RAB27A: variants seen among roughly 807,000 people sequenced by gnomAD.
RAB27A encodes RAB27A, member RAS oncogene family, also known as ras-related protein Rab-27A.
Under a neutral mutation model 20.8 loss-of-function variants are expected in RAB27A, and 17 were observed. That is an observed-to-expected ratio of 0.82 (90% confidence interval 0.56 to 1.23). The LOEUF (loss-of-function observed/expected upper bound fraction) is 1.23. Among genes scored for constraint, RAB27A ranks in the 50% most tolerant of loss-of-function variants. RAB27A has a pLI of 0.00. For missense variants in RAB27A, 277 were observed against 266.7 expected (o/e 1.04, Z -0.27); for synonymous variants, 85 against 92.8 (o/e 0.92, Z 0.48).
chr15:55,264,949 C>G (rs1200460364), intron 2 of RAB27A, among the ~76,000 whole-genome samples: 2 of 152,106 alleles, frequency 1.3e-5, no homozygotes, highest in Non-Finnish European at 2.9e-5. Context: ...TGCATGGAAA[C>G]AAGAACTATA....
At chr15:55,311,224 T>C (rs1340513416) in intron 2 of RAB27A, among the ~76,000 whole-genome samples, 1 of 152,214 alleles carries the variant, frequency 6.6e-6, no homozygotes, top group African/African-American at 2.4e-5. Context: ...ACATTGTATC[T>C]CTCCATGTCA....
chr15:55,257,901 G>A (rs1014837959), intron 2 of RAB27A, among the ~76,000 whole-genome samples: 2 of 152,100 alleles, frequency 1.3e-5, no homozygotes, highest in Non-Finnish European at 2.9e-5. Flanking sequence ...GCTAAGGCAT[G>A]AGAATTGCTT....
intron 1 of RAB27A, among the ~76,000 whole-genome samples, chr15:55,315,787 C>A (rs1040840993): frequency 6.6e-6 from 1 of 152,154 alleles, no homozygotes; most frequent in Admixed American, 6.5e-5. Flanking sequence ...GAAATACGAA[C>A]GCTTTTACAC....
chr15:55,273,589 C>T (rs1298217039), intron 1 of RAB27A, among the ~76,000 whole-genome samples: 1 of 151,800 alleles, frequency 6.6e-6, no homozygotes, highest in Non-Finnish European at 1.5e-5. Flanking sequence ...CAAAAGAAAG[C>T]AGGGGTGACT....
At chr15:55,238,305 G>A (rs1896345385) in intron 2 of RAB27A, 1 of 152,050 alleles carries the variant, frequency 6.6e-6, no homozygotes, top group Admixed American at 6.6e-5. Context: ...TCTACCCCAA[G>A]CTTCATATCC....
intron 5 of RAB27A, among the ~76,000 whole-genome samples, chr15:55,228,035 G>C (rs1277450815): frequency 6.6e-6 from 1 of 152,184 alleles, no homozygotes; most frequent in African/African-American, 2.4e-5. Context: ...CCAAAATAAA[G>C]GTTGACATAT....
intron 2 of RAB27A, among the ~76,000 whole-genome samples, chr15:55,255,081 C>A (rs1897030234): frequency 6.6e-6 from 1 of 152,212 alleles, no homozygotes; most frequent in Non-Finnish European, 1.5e-5. Context: ...TCACTTCTGA[C>A]TGCCAGGGCT....
intron 5 of RAB27A, among the ~76,000 whole-genome samples, chr15:55,227,597 G>C (rs1413630338): frequency 1.3e-5 from 2 of 152,206 alleles, no homozygotes; most frequent in African/African-American, 4.8e-5. Context: ...GAAAGCCAAA[G>C]CTTCATATCC....
chr15:55,233,383 A>G (rs1026008370), intron 3 of RAB27A, among the ~76,000 whole-genome samples: 1 of 152,148 alleles, frequency 6.6e-6, no homozygotes, highest in African/African-American at 2.4e-5. Context: ...ACATATAACA[A>G]AAAAGGGAAT....
rs1470787881 is a variant in RAB27A at position 55,204,743 on chromosome 15, C to A, written c.*764G>T. ...ATGTACAATCACAGTGAACTAAAGCCATAAAATCTAGTTCCCTGACCCTTC... is the reference window on the plus strand; with the variant it reads ...ATGTACAATCACAGTGAACTAAAGCAATAAAATCTAGTTCCCTGACCCTTC... On this transcript the variant is annotated 3_prime_UTR_variant, in exon 7 of 7. Transcript: ENST00000336787. The A allele has an allele frequency of 6.6e-6, 1 of 152,318 alleles. No individual in the cohort carries two copies. The highest frequency in any genetic ancestry group is 1.5e-5 in the Non-Finnish European group (1 of 68,130). The allele number at this position is 152,318 out of a possible 1,614,324, so 9.4% of individuals were successfully genotyped here. A position where few individuals can be genotyped will look rare whatever the true frequency, so the allele number is the denominator to read the frequency against.
At chr15:55,235,474 A>G (rs1369189915) in intron 2 of RAB27A, among the ~76,000 whole-genome samples, 1 of 151,858 alleles carries the variant, frequency 6.6e-6, no homozygotes, top group Middle Eastern at 3.2e-3. Context: ...ATAAAAATAA[A>G]AATAAAAATA....
chr15:55,228,793 T>A, intron 4 of RAB27A, 81 bp from the exon 5 acceptor site: 1 of 980,212 alleles, frequency 1.0e-6, no homozygotes, highest in Non-Finnish European at 1.6e-6. Flanking sequence ...GCCTTCAGCC[T>A]CTTACAAAAG....
intron 2 of RAB27A, among the ~76,000 whole-genome samples, chr15:55,245,628 T>C (rs1165652679): frequency 2.0e-5 from 3 of 152,210 alleles, no homozygotes; most frequent in African/African-American, 7.2e-5. Flanking sequence ...GGCTAGAAAC[T>C]GTTGAGATCT....
intron 2 of RAB27A, among the ~76,000 whole-genome samples, chr15:55,254,523 T>A (rs1025976183): frequency 1.3e-5 from 2 of 152,124 alleles, no homozygotes; most frequent in Non-Finnish European, 1.5e-5. Flanking sequence ...ATAATTTCCA[T>A]TAATTTCTGA....
intron 2 of RAB27A, among the ~76,000 whole-genome samples, chr15:55,303,825 C>T (rs1243501523): frequency 2.3e-5 from 3 of 132,782 alleles, no homozygotes; most frequent in South Asian, 5.2e-4. Context: ...CCGCCCCGTC[C>T]GGGAGGGAGG....
chr15:55,272,076 G>C (rs1897724755), intron 1 of RAB27A, among the ~76,000 whole-genome samples: 1 of 152,166 alleles, frequency 6.6e-6, no homozygotes, highest in Admixed American at 6.5e-5. Context: ...ATTCATTAGA[G>C]TTAGCTTCCT....
intron 2 of RAB27A, among the ~76,000 whole-genome samples, chr15:55,264,637 A>G (rs889343783): frequency 6.6e-6 from 1 of 152,224 alleles, no homozygotes; most frequent in Non-Finnish European, 1.5e-5. Flanking sequence ...TTAAATGCAG[A>G]ATAGCATACA....
rs1219242235 is a variant in RAB27A at position 55,203,463 on chromosome 15, G to C, written c.*2044C>G. On this transcript the variant is annotated 3_prime_UTR_variant, in exon 7 of 7. Transcript: ENST00000336787. ...CAGAGTCTCCTCTGTCGCCCAGGCTGGAGTGCAGTGGCGCAATCTCGGCTC... is the reference window on the plus strand; with the variant it reads ...CAGAGTCTCCTCTGTCGCCCAGGCTCGAGTGCAGTGGCGCAATCTCGGCTC... 1 of 143,262 alleles carries C rather than the reference G, an allele frequency of 7.0e-6. No homozygotes were observed. Among genetic ancestry groups the C allele is most frequent in the East Asian group, 2.0e-4 (1 of 4,928 alleles). 8.9% of individuals were successfully genotyped at this position (143,262 alleles called of 1,614,324 possible).
rs796679680 is a variant in RAB27A at position 55,302,193 on chromosome 15, G to A, written c.-112+11846C>T. 1.1e-3 allele frequency among the ~76,000 whole-genome samples: 146 copies of A among 129,796 alleles called. 1 individual carries two copies. The highest frequency in any genetic ancestry group is 5.3e-3 in the East Asian group (22 of 4,160). 85.2% of individuals were successfully genotyped at this position (129,796 alleles called of 152,430 possible). A position where few individuals can be genotyped will look rare whatever the true frequency, so the allele number is the denominator to read the frequency against. ...CTCTGTCTCAAAAAAAAAAAAAAAA[G>A]TCAGAGTGAGACCTCATCTCAAAAA... On this transcript the variant is annotated intron_variant, in intron 2 of 5. Coordinates refer to the RAB27A transcript ENST00000563262.
Sources: allele counts gnomAD v4.1 joint callset (sites outside exome capture counted in the v4.1 genomes callset), GRCh38; gene constraint gnomAD v4.1.1; transcripts MANE v1.5; gene names NCBI Gene and HGNC (gene_info 2026-07-23, HGNC 2026-07-21).